KIAA1328: variants seen among roughly 807,000 people sequenced by gnomAD.
The protein encoded by KIAA1328 is KIAA1328.
In KIAA1328, 52 loss-of-function variants were observed where a neutral mutation model predicts 68.1. The ratio of observed to expected loss-of-function variants is 0.76; its 90% CI spans 0.61 to 0.96. The LOEUF is 0.96. KIAA1328 is among the 40% of genes least tolerant of loss of function. The probability of loss-of-function intolerance (pLI) is 0.00; values close to 1 mark genes in which losing one functional copy is unlikely to be tolerated. For synonymous variants in KIAA1328, 232 were observed against 239.4 expected (o/e 0.97, Z 0.28); for missense variants, 641 against 677.6 (o/e 0.95, Z 0.60).
intron 7 of KIAA1328, among the ~76,000 whole-genome samples, chr18:37,154,817 C>T (rs930441747): frequency 4.6e-5 from 7 of 152,170 alleles, no homozygotes; most frequent in African/African-American, 7.2e-5. Flanking sequence ...GTTTTATTTT[C>T]GCTTTACCTT....
At chr18:37,077,495 G>A (rs968996606) in intron 7 of KIAA1328, among the ~76,000 whole-genome samples, 1 of 150,128 alleles carries the variant, frequency 6.7e-6, no homozygotes, top group African/African-American at 2.5e-5. Context: ...CAATTAGGCA[G>A]GAGAAGGAAA....
intron 5 of KIAA1328, among the ~76,000 whole-genome samples, chr18:36,915,581 C>G (rs1432268363): frequency 6.6e-6 from 1 of 152,130 alleles, no homozygotes; most frequent in Non-Finnish European, 1.5e-5. Context: ...TGTCCAACAT[C>G]TTTACTCATT....
At position 36,845,442 on chromosome 18, in the gene KIAA1328, A is replaced by T. The variant is rs765447895; in HGVS notation, c.332+1140A>T. Among the ~76,000 whole-genome samples, 9 of 151,408 alleles carry T rather than the reference A, an allele frequency of 5.9e-5. No homozygotes were observed. In the South Asian group the frequency reaches 1.7e-3, roughly 28 times the overall value. ...TTGAAAAGCTATTGCTATTTGTTTG[A>T]CTCTGTTTGTTAATGGTCCTACGTT... On this transcript the variant is annotated intron_variant, in intron 4 of 9. Coordinates refer to ENST00000280020, the MANE Select transcript of KIAA1328 (RefSeq NM_020776.3).
At chr18:37,031,147 G>T (rs140837882) in intron 6 of KIAA1328, among the ~76,000 whole-genome samples, 22 of 152,276 alleles carry the variant, frequency 1.4e-4, no homozygotes, top group Non-Finnish European at 2.9e-4. Flanking sequence ...AAACATATGT[G>T]TGCATGTGTC....
intron 5 of KIAA1328, among the ~76,000 whole-genome samples, chr18:36,913,786 T>C (rs1212650156): frequency 6.6e-6 from 1 of 152,206 alleles, no homozygotes; most frequent in African/African-American, 2.4e-5. Flanking sequence ...AATATAATTT[T>C]CTTTTATTGA....
At chr18:37,116,899 C>T (rs1322208109) in intron 7 of KIAA1328, among the ~76,000 whole-genome samples, 1 of 152,106 alleles carries the variant, frequency 6.6e-6, no homozygotes, top group Non-Finnish European at 1.5e-5. Flanking sequence ...AGCCAACAGA[C>T]ATATGAAAAA....
In KIAA1328 at chr18:37,131,484, GT is replaced by G. The variant is rs375518527; in HGVS notation, c.1233-28710del. Among the ~76,000 whole-genome samples, 52 of 152,204 alleles carry G rather than the reference GT, an allele frequency of 3.4e-4. 1 individual carries two copies. In the East Asian group the frequency reaches 8.5e-3, roughly 25 times the overall value. ...ATATAAACTGCAGTTTATATAGTTT[GT>G]TTTTTCATGCCTGAGTGATTATTAT... On this transcript the variant is annotated intron_variant, in intron 7 of 9. Transcript: ENST00000280020.
rs939646590 is a variant in KIAA1328 at position 37,086,859 on chromosome 18, A to G, written c.1232+19314A>G. On this transcript the variant is annotated intron_variant, in intron 7 of 9. Transcript: ENST00000280020. The stretch of plus-strand genomic sequence containing the variant: ...GGACTTATCTTTCTCTAAAATTCTA[A>G]AAATGTATGCTGATATGCATAAGTT... Among the ~76,000 whole-genome samples, 4 of 152,158 alleles carry G rather than the reference A, an allele frequency of 2.6e-5. No homozygotes were observed. The East Asian group carries it at 5.8e-4, about 22-fold the overall frequency.
Position 37,071,131 on chromosome 18 carries a change from A to G in KIAA1328, c.1232+3586A>G, listed in dbSNP as rs1323759196. On this transcript the variant is annotated intron_variant, in intron 7 of 9. Coordinates refer to ENST00000280020, the MANE Select transcript of KIAA1328 (RefSeq NM_020776.3). Reference sequence around the variant, plus strand: ...GTTGCCCATGCTGGAGTGCAGTGGCACGATCATGGCTCACTGCTGCAGCCT... The same window carrying G: ...GTTGCCCATGCTGGAGTGCAGTGGCGCGATCATGGCTCACTGCTGCAGCCT... Among the ~76,000 whole-genome samples, 5 of 128,582 alleles carry G rather than the reference A, an allele frequency of 3.9e-5. No individual in the cohort carries two copies. In the Admixed American group the frequency reaches 5.1e-4, roughly 13 times the overall value. The allele number at this position is 128,582 out of a possible 152,430, so 84.4% of individuals were successfully genotyped here. A position where few individuals can be genotyped will look rare whatever the true frequency, so the allele number is the denominator to read the frequency against.
intron 7 of KIAA1328, among the ~76,000 whole-genome samples, chr18:37,145,994 C>T (rs2058889290): frequency 6.6e-6 from 1 of 152,100 alleles, no homozygotes. Flanking sequence ...GCTTCCCCCG[C>T]TCCCAATTTA....
intron 4 of KIAA1328, among the ~76,000 whole-genome samples, chr18:36,851,695 C>A (rs1377318724): frequency 6.6e-6 from 1 of 151,716 alleles, no homozygotes; most frequent in Non-Finnish European, 1.5e-5. Flanking sequence ...CTCTTATTTT[C>A]TTCATAAGCC....
At chr18:36,905,594 C>T (rs891910282) in intron 5 of KIAA1328, among the ~76,000 whole-genome samples, 6 of 152,034 alleles carry the variant, frequency 3.9e-5, no homozygotes, top group African/African-American at 1.4e-4. Context: ...CTTTTCTGTT[C>T]AATTTTTAAA....
At chr18:36,847,915 C>T (rs898527646) in intron 4 of KIAA1328, among the ~76,000 whole-genome samples, 2 of 151,712 alleles carry the variant, frequency 1.3e-5, no homozygotes, top group African/African-American at 4.8e-5. Context: ...TGGTTTATTT[C>T]TAGACTCTTT....
chr18:36,974,028 T>C (rs930057863), intron 6 of KIAA1328, among the ~76,000 whole-genome samples: 7 of 152,170 alleles, frequency 4.6e-5, no homozygotes, highest in Non-Finnish European at 1.0e-4. Context: ...CTAAATTAGA[T>C]ATGATTGGGC....
chr18:36,971,803 T>C (rs1014820714), intron 6 of KIAA1328, among the ~76,000 whole-genome samples: 7 of 151,938 alleles, frequency 4.6e-5, no homozygotes, highest in African/African-American at 1.7e-4. Context: ...GGGAGCTAAA[T>C]ATAAGAATAT....
chr18:37,218,208 A>G (rs1166049193), intron 9 of KIAA1328, among the ~76,000 whole-genome samples: 2 of 152,252 alleles, frequency 1.3e-5, no homozygotes, highest in Non-Finnish European at 2.9e-5. Context: ...ATCCTTCATT[A>G]TAGTTAGATA....
At chr18:36,973,464 A>G (rs547896441) in intron 6 of KIAA1328, among the ~76,000 whole-genome samples, 4 of 152,304 alleles carry the variant, frequency 2.6e-5, no homozygotes, top group Non-Finnish European at 5.9e-5. Context: ...CCTAGAACTC[A>G]AAGTAAAATA....
intron 5 of KIAA1328, among the ~76,000 whole-genome samples, chr18:36,887,604 A>C (rs1235444478): frequency 5.9e-5 from 9 of 152,120 alleles, no homozygotes; most frequent in Admixed American, 5.9e-4. Flanking sequence ...CTCCCCACCC[A>C]GTGGTCTTTT....
chr18:37,221,404 C>T (rs2060560286), intron 9 of KIAA1328, among the ~76,000 whole-genome samples: 1 of 152,134 alleles, frequency 6.6e-6, no homozygotes, highest in Non-Finnish European at 1.5e-5. Context: ...AATAACTTCC[C>T]CAATATTACA....
Sources: allele counts gnomAD v4.1 joint callset (sites outside exome capture counted in the v4.1 genomes callset), GRCh38; gene constraint gnomAD v4.1.1; transcripts MANE v1.5; gene names NCBI Gene and HGNC (gene_info 2026-07-23, HGNC 2026-07-21).